The following GRM4 variants were observed in gnomAD, a reference collection of about 807,000 sequenced individuals.
GRM4 encodes the protein glutamate metabotropic receptor 4, also known as metabotropic glutamate receptor 4.
GRM4 carries 28 observed loss-of-function variants against 81.7 expected under a neutral mutation model. That is an observed-to-expected ratio of 0.34 (90% CI 0.25 to 0.47). GRM4 has a LOEUF of 0.47. GRM4 is among the 20% of genes least tolerant of loss of function. GRM4 has a pLI of 1.00. For synonymous variants in GRM4, 488 were observed against 528.8 expected (o/e 0.92, Z 1.06); for missense variants, 948 against 1,290.0 (o/e 0.73, Z 4.06).
chr6:34,027,820 C>T (rs1397375581), intron 10 of GRM4, among the ~76,000 whole-genome samples: 3 of 152,210 alleles, frequency 2.0e-5, no homozygotes, highest in Admixed American at 6.5e-5. Context: ...TGGCCTGCCT[C>T]GGGGTGGGGC....
chr6:34,035,721 C>G lies in GRM4; in HGVS notation c.2389G>C (p.Val797Leu). ...AAGATGGGGATGAAGGCCAGCCAGACGATGCAAGTGGTGTACATGGTGAAG... is the reference window on the plus strand; with the variant it reads ...AAGATGGGGATGAAGGCCAGCCAGAGGATGCAAGTGGTGTACATGGTGAAG... ...IGFTMYTTCI[V>L]WLAFIPIFFG... is the part of the protein sequence containing the mutation. Residue 797 changes from valine (V) to leucine (L), a missense_variant, in exon 9 of 11, where the codon GTC (valine) becomes CTC (leucine). Val to Leu is a conservative substitution (Grantham distance 32). Transcript: ENST00000538487. This position sits in a 1 kb window ranked among gnomAD's most constrained non-coding sequence, Gnocchi z 6.6. The G allele has an allele frequency of 6.3e-7, 1 of 1,598,924 alleles. No homozygotes were observed. The highest frequency in any genetic ancestry group is 8.6e-7 in the Non-Finnish European group (1 of 1,167,760).
intron 1 of GRM4, among the ~76,000 whole-genome samples, chr6:34,139,825 A>G (rs1770604984): frequency 1.3e-5 from 2 of 152,190 alleles, no homozygotes; most frequent in Non-Finnish European, 2.9e-5. Context: ...GCTCAAGCAT[A>G]GAAGACAGTC....
intron 2 of GRM4, among the ~76,000 whole-genome samples, chr6:34,125,418 A>G (rs1769985340): frequency 6.6e-6 from 1 of 151,974 alleles, no homozygotes; most frequent in African/African-American, 2.4e-5. Flanking sequence ...AAAACCAAGG[A>G]CTCGAGGCAT....
chr6:34,061,838 C>G, intron 4 of GRM4, 55 bp downstream of exon 4: 1 of 1,569,570 alleles, frequency 6.4e-7, no homozygotes, highest in Non-Finnish European at 8.7e-7. Context: ...GGACCCGTGG[C>G]TTTGCCCACA....
intron 2 of GRM4, among the ~76,000 whole-genome samples, chr6:34,129,698 C>G (rs1770160971): frequency 1.3e-5 from 2 of 152,202 alleles, no homozygotes; most frequent in African/African-American, 2.4e-5. Context: ...TCCCAGGAGT[C>G]AGGCCTGGGA....
At chr6:34,024,050 G>A (rs769521871) in intron 10 of GRM4, among the ~76,000 whole-genome samples, 7 of 152,214 alleles carry the variant, frequency 4.6e-5, no homozygotes, top group Non-Finnish European at 1.5e-5. Context: ...GCTCAAAAAG[G>A]AGGCACATCT....
chr6:34,081,126 C>T (rs1198979801), intron 3 of GRM4, among the ~76,000 whole-genome samples: 3 of 152,208 alleles, frequency 2.0e-5, no homozygotes, highest in Admixed American at 2.0e-4. Flanking sequence ...AGTCTTCCCA[C>T]CTTCGAGCTC....
At position 34,104,918 on chromosome 6, in the gene GRM4, G is replaced by A. The variant is rs1021215874; in HGVS notation, c.520-12819C>T. Reference sequence around the variant, plus strand: ...TCCTCACACAGGCCGTGGGAGGCAGGGGCGGGGCTGGGAAAACCTCAGTGT... The same window carrying A: ...TCCTCACACAGGCCGTGGGAGGCAGAGGCGGGGCTGGGAAAACCTCAGTGT... On this transcript the variant is annotated intron_variant, in intron 2 of 10. Coordinates refer to ENST00000538487, the MANE Select transcript of GRM4 (RefSeq NM_000841.4). Among the ~76,000 whole-genome samples the A allele has an allele frequency of 3.3e-5, 5 of 152,134 alleles. No homozygotes were observed. In the East Asian group the frequency reaches 5.8e-4, roughly 18 times the overall value.
intron 1 of GRM4, among the ~76,000 whole-genome samples, chr6:34,137,982 A>G (rs1340951146): frequency 2.0e-5 from 3 of 152,162 alleles, no homozygotes; most frequent in African/African-American, 7.2e-5. Flanking sequence ...CAAGCCAGAA[A>G]GAACCACAAA....
chr6:34,068,195 C>T lies in GRM4; in HGVS notation c.737-6167G>A, dbSNP rs889299472. 6.6e-6 allele frequency among the ~76,000 whole-genome samples: 1 copy of T among 152,150 alleles called. No individual in the cohort carries two copies. Among genetic ancestry groups the T allele is most frequent in the African/African-American group, 2.4e-5 (1 of 41,418 alleles). ...TCCCCTCAGCCCACCTGGATTCACC[C>T]TGGAGAACAGGGAGGCTTGGGCTGG... On this transcript the variant is annotated intron_variant, in intron 3 of 10. Transcript: ENST00000538487. The surrounding 1 kb of genome is among the most constrained non-coding windows in gnomAD (Gnocchi z 4.2).
chr6:34,031,878 A>G (rs1764445330), intron 9 of GRM4, among the ~76,000 whole-genome samples: 1 of 152,152 alleles, frequency 6.6e-6, no homozygotes. Flanking sequence ...ACACACATCA[A>G]TATACACGTA....
At chr6:34,072,612 ACAC>A (rs1254870457) in intron 3 of GRM4, among the ~76,000 whole-genome samples, 1 of 65,096 alleles carries the variant, frequency 1.5e-5, no homozygotes, top group African/African-American at 4.6e-5. Flanking sequence ...ACACACACAC[ACAC>A]ACATCACCGC....
intron 2 of GRM4, chr6:34,110,694 G>A: frequency 6.6e-7 from 1 of 1,517,458 alleles, no homozygotes; most frequent in Non-Finnish European, 8.8e-7. Context: ...GCGTGTGTCT[G>A]CCTCAGCCTC....
intron 3 of GRM4, among the ~76,000 whole-genome samples, chr6:34,079,645 C>T (rs1296498684): frequency 6.6e-6 from 1 of 152,172 alleles, no homozygotes; most frequent in Admixed American, 6.5e-5. Flanking sequence ...TGGAGCCAAC[C>T]AGGACTTCCC....
At chr6:34,039,361 G>A (rs191669761) in intron 8 of GRM4, among the ~76,000 whole-genome samples, 86 of 152,256 alleles carry the variant, frequency 5.6e-4, no homozygotes, top group African/African-American at 2.0e-3. Flanking sequence ...CAGCACCCAC[G>A]GGATCCCAGG....
intron 6 of GRM4, 37 bp downstream of exon 6, chr6:34,056,507 T>C (rs759037474): frequency 1.3e-6 from 2 of 1,587,376 alleles, no homozygotes; most frequent in South Asian, 2.2e-5. Flanking sequence ...CGGCTCCTCC[T>C]AGAGCCCGCC....
At position 34,115,550 on chromosome 6, in the gene GRM4, C is replaced by T. The variant is rs73412901; in HGVS notation, c.519+17428G>A. ...GGTTCAGGACCTTGGACAGCAGCCT[C>T]CAGGGGTCTGCCCGAAGACACTCGG... On this transcript the variant is annotated intron_variant, in intron 2 of 10. Transcript: ENST00000538487. This position sits in a 1 kb window ranked among gnomAD's most constrained non-coding sequence, Gnocchi z 4.1. 0.014 allele frequency among the ~76,000 whole-genome samples: 2,175 copies of T among 152,248 alleles called. 33 individuals are homozygous for T. The highest frequency in any genetic ancestry group is 0.041 in the African/African-American group (1,710 of 41,532).
chr6:34,045,592 G>A (rs776042327), intron 6 of GRM4, among the ~76,000 whole-genome samples: 1 of 152,196 alleles, frequency 6.6e-6, no homozygotes, highest in Non-Finnish European at 1.5e-5. Flanking sequence ...CCGCTGACCT[G>A]CCTCCTTCCC....
rs1352009413 is a variant in GRM4 at position 34,102,125 on chromosome 6, C to A, written c.520-10026G>T. On this transcript the variant is annotated intron_variant, in intron 2 of 10. Transcript: ENST00000538487. ...CTTGGGAAGAGTTTGCACCATCTTG[C>A]AGCCAGCCGGAAGGACTGGGGCATT... The A allele has an allele frequency of 4.6e-6, 7 of 1,535,558 alleles. No homozygotes were observed. The African/African-American group carries it at 6.8e-5, about 15-fold the overall frequency.
Sources: allele counts gnomAD v4.1 joint callset (sites outside exome capture counted in the v4.1 genomes callset), GRCh38; gene constraint gnomAD v4.1.1; non-coding constraint Gnocchi (gnomAD v3.1); transcripts MANE v1.5; gene names NCBI Gene and HGNC (gene_info 2026-07-23, HGNC 2026-07-21).